Variants in ATRNL1 observed in about 807,000 individuals in gnomAD.
ATRNL1 encodes the protein attractin like 1.
Under a neutral mutation model 182.7 loss-of-function variants are expected in ATRNL1, and 95 were observed. The observed-to-expected ratio is 0.52, with a 90% CI of 0.44 to 0.62. ATRNL1 has a LOEUF of 0.62. ATRNL1 is among the 20% of genes least tolerant of loss of function. ATRNL1 has a pLI of 0.00. For synonymous variants in ATRNL1, 576 were observed against 568.3 expected (o/e 1.01, Z -0.19); for missense variants, 1,471 against 1,679.5 (o/e 0.88, Z 2.17).
At chr10:115,304,583 G>A (rs1853634500) in intron 17 of ATRNL1, among the ~76,000 whole-genome samples, 1 of 152,170 alleles carries the variant, frequency 6.6e-6, no homozygotes, top group Non-Finnish European at 1.5e-5. Context: ...CCCAAGTGTG[G>A]TGCGTACCAG....
chr10:115,183,424 A>AT (rs1444090931), intron 8 of ATRNL1, among the ~76,000 whole-genome samples: 1 of 151,452 alleles, frequency 6.6e-6, no homozygotes, highest in African/African-American at 2.4e-5. Flanking sequence ...AAACAGATTA[A>AT]TTTTTTTGAA....
intron 20 of ATRNL1, among the ~76,000 whole-genome samples, chr10:115,404,431 T>C (rs1426107013): frequency 6.6e-6 from 1 of 152,144 alleles, no homozygotes; most frequent in Non-Finnish European, 1.5e-5. Flanking sequence ...CATTCAGCAG[T>C]TCAATGGAGA....
chr10:115,130,957 T>C (rs1486384060), intron 5 of ATRNL1, among the ~76,000 whole-genome samples: 2 of 152,154 alleles, frequency 1.3e-5, no homozygotes, highest in Non-Finnish European at 2.9e-5. Context: ...GTTTTTTACT[T>C]ACTTTCATTA....
At chr10:115,219,011 C>T (rs1849338329) in intron 9 of ATRNL1, among the ~76,000 whole-genome samples, 1 of 152,026 alleles carries the variant, frequency 6.6e-6, no homozygotes, top group Non-Finnish European at 1.5e-5. Context: ...CCAAGGTGGG[C>T]AGATCACGAG....
At chr10:115,809,951 A>C (rs781915292) in intron 27 of ATRNL1, among the ~76,000 whole-genome samples, 7 of 151,880 alleles carry the variant, frequency 4.6e-5, no homozygotes, top group Non-Finnish European at 8.8e-5. Flanking sequence ...TCTTTATCAG[A>C]GTTTAGGAAA....
At chr10:115,456,849 T>C (rs1352356641) in intron 21 of ATRNL1, among the ~76,000 whole-genome samples, 1 of 152,080 alleles carries the variant, frequency 6.6e-6, no homozygotes, top group Non-Finnish European at 1.5e-5. Flanking sequence ...ACCAATCTCA[T>C]ACTGTTTCAG....
intron 10 of ATRNL1, among the ~76,000 whole-genome samples, chr10:115,259,455 A>T (rs1851303632): frequency 6.6e-6 from 1 of 152,146 alleles, no homozygotes; most frequent in Admixed American, 6.5e-5. Context: ...TTGTCTGCTG[A>T]TTGCTAAAAC....
intron 27 of ATRNL1, among the ~76,000 whole-genome samples, chr10:115,841,635 TG>T (rs1950811307): frequency 6.6e-6 from 1 of 152,258 alleles, no homozygotes; most frequent in South Asian, 2.1e-4. Flanking sequence ...TGTTTTTGAG[TG>T]TCCACTAGCT....
At chr10:115,097,468 A>G (rs1320287658) in intron 1 of ATRNL1, among the ~76,000 whole-genome samples, 1 of 152,234 alleles carries the variant, frequency 6.6e-6, no homozygotes. Context: ...CTTGGGTATC[A>G]GAGCGAGACT....
intron 27 of ATRNL1, among the ~76,000 whole-genome samples, chr10:115,795,908 C>T (rs1239224050): frequency 1.3e-5 from 2 of 152,134 alleles, no homozygotes; most frequent in Non-Finnish European, 2.9e-5. Context: ...CCCATTCAAT[C>T]TCCAAAACCC....
intron 26 of ATRNL1, among the ~76,000 whole-genome samples, chr10:115,653,820 T>C (rs937344331): frequency 3.3e-5 from 5 of 152,212 alleles, no homozygotes; most frequent in Non-Finnish European, 2.9e-5. Context: ...CCCTGGCTCA[T>C]AGCAGACACA....
intron 25 of ATRNL1, among the ~76,000 whole-genome samples, chr10:115,548,619 C>CT (rs1253167253): frequency 6.6e-6 from 1 of 152,194 alleles, no homozygotes; most frequent in Non-Finnish European, 1.5e-5. Context: ...ATGTAAATCT[C>CT]TGTCATTTTG....
chr10:115,549,517 G>T lies in ATRNL1; in HGVS notation c.3776G>T (p.Trp1259Leu). Residue 1259 changes from tryptophan to leucine, a missense_variant, in exon 26 of 29, where the codon TGG becomes TTG. By Grantham distance (61) the Trp-to-Leu change is moderately conservative (BLOSUM62 -2). This residue lies in a region of ATRNL1 where 437 missense variants were observed against 506.0 expected (regional missense o/e 0.86). Coordinates refer to ENST00000355044, the MANE Select transcript of ATRNL1 (RefSeq NM_207303.4). ...GTATGGAAGATCAAACAAACTTGTT[G>T]GGCTTCTCGACGGAGAGAGGTATCA... ...AVVWKIKQTCWASRRREQLLR... is the reference protein window; with the variant it reads ...AVVWKIKQTCLASRRREQLLR... The T allele has an allele frequency of 6.3e-7, 1 of 1,596,994 alleles. No homozygotes were observed. Among genetic ancestry groups the T allele is most frequent in the Non-Finnish European group, 8.5e-7 (1 of 1,170,746 alleles).
At chr10:115,777,509 T>C (rs1949156988) in intron 27 of ATRNL1, among the ~76,000 whole-genome samples, 1 of 152,170 alleles carries the variant, frequency 6.6e-6, no homozygotes, top group African/African-American at 2.4e-5. Flanking sequence ...TCAGTAATAA[T>C]CCTGTAGCAC....
intron 20 of ATRNL1, among the ~76,000 whole-genome samples, chr10:115,424,802 GGGAGGGTATGA>G (rs1845810728): frequency 6.6e-6 from 1 of 152,040 alleles, no homozygotes; most frequent in African/African-American, 2.4e-5. Flanking sequence ...TGAAAGGCTT[GGGAGGGTATGA>G]GGAGGGTGGA....
chr10:115,370,604 A>G (rs1592542539), intron 19 of ATRNL1, among the ~76,000 whole-genome samples: 2 of 152,312 alleles, frequency 1.3e-5, no homozygotes, highest in African/African-American at 4.8e-5. Context: ...GAGATGATTT[A>G]GGGTATCTGG....
In ATRNL1 at chr10:115,414,555, C is replaced by G. The variant is rs762114807; in HGVS notation, c.3270-11695C>G. Among the ~76,000 whole-genome samples the G allele has an allele frequency of 3.9e-4, 59 of 151,794 alleles. 1 individual carries two copies. The highest frequency in any genetic ancestry group is 1.2e-4 in the Non-Finnish European group (8 of 67,882). ...AATTAAATATGTTGAACATTAATAA[C>G]CTGAAACTACTTCCAGTATACTCAG... On this transcript the variant is annotated intron_variant, in intron 20 of 28. Coordinates refer to ENST00000355044, the MANE Select transcript of ATRNL1 (RefSeq NM_207303.4).
chr10:115,775,906 C>G (rs1555077782), intron 27 of ATRNL1, among the ~76,000 whole-genome samples: 2 of 147,800 alleles, frequency 1.4e-5, no homozygotes, highest in East Asian at 4.0e-4. Context: ...TGCAGTGAGC[C>G]GAGATCGCAC....
chr10:115,134,788 A>G (rs1342182771), intron 5 of ATRNL1, among the ~76,000 whole-genome samples: 19 of 152,238 alleles, frequency 1.2e-4, no homozygotes, highest in Non-Finnish European at 2.8e-4. Flanking sequence ...AATCCTCAAT[A>G]AAATCCTGGC....
Sources: allele counts gnomAD v4.1 joint callset (sites outside exome capture counted in the v4.1 genomes callset), GRCh38; gene constraint gnomAD v4.1.1; regional missense constraint gnomAD v4.1.1; transcripts MANE v1.5; gene names NCBI Gene and HGNC (gene_info 2026-07-23, HGNC 2026-07-21).